Variants in USP50 observed in about 807,000 individuals in gnomAD.
The protein encoded by USP50 is ubiquitin specific peptidase 50, also known as ubiquitin carboxyl-terminal hydrolase 50.
A neutral mutation model predicts 39.2 loss-of-function variants in USP50; 37 were observed. The ratio of observed to expected loss-of-function variants is 0.94; its 90% confidence interval spans 0.73 to 1.24. The LOEUF is 1.24. USP50 is among the 50% of genes most tolerant of loss of function. The pLI, the probability that USP50 is intolerant of heterozygous loss-of-function variation, is 0.00. For synonymous variants in USP50, 139 were observed against 144.5 expected (o/e 0.96, Z 0.27); for missense variants, 374 against 398.2 (o/e 0.94, Z 0.52).
chr15:50,544,317 G>T (rs895348749), intron 2 of USP50, among the ~76,000 whole-genome samples: 1 of 151,580 alleles, frequency 6.6e-6, no homozygotes, highest in African/African-American at 2.4e-5. Flanking sequence ...AGCCAAGATC[G>T]CACCACTGCA....
intron 6 of USP50, chr15:50,505,838 T>G (rs1427977341): frequency 6.6e-6 from 1 of 152,280 alleles, no homozygotes; most frequent in Non-Finnish European, 1.5e-5. Flanking sequence ...ATGCCTGTAG[T>G]CCCAGCTACT....
chr15:50,525,715 G>GTATATA (rs1566907782), intron 6 of USP50, among the ~76,000 whole-genome samples: 1 of 80,848 alleles, frequency 1.2e-5, no homozygotes, highest in Non-Finnish European at 2.7e-5. Flanking sequence ...ATGTATATAT[G>GTATATA]TATATGTATA....
chr15:50,496,352 G>A (rs1015804240), downstream of USP50, among the ~76,000 whole-genome samples: 1 of 151,958 alleles, frequency 6.6e-6, no homozygotes, highest in Non-Finnish European at 1.5e-5. Flanking sequence ...GTGGTGGTGG[G>A]CACCTGTAGT....
At chr15:50,526,434 T>C (rs2141368311) in intron 6 of USP50, among the ~76,000 whole-genome samples, 1 of 152,202 alleles carries the variant, frequency 6.6e-6, no homozygotes, top group East Asian at 1.9e-4. Context: ...CCTGAAGTAT[T>C]TCATTGTTTT....
At chr15:50,525,738 T>C (rs2052892421) in intron 6 of USP50, among the ~76,000 whole-genome samples, 1 of 146,866 alleles carries the variant, frequency 6.8e-6, no homozygotes, top group Non-Finnish European at 1.5e-5. Flanking sequence ...TGTATATGTA[T>C]ATAATCTCTC....
At chr15:50,508,826 C>T (rs2052697665) in intron 6 of USP50, 3 of 141,748 alleles carry the variant, frequency 2.1e-5, no homozygotes, top group Non-Finnish European at 4.6e-5. Context: ...GGCAAAACCC[C>T]GTCTCTATAA....
chr15:50,537,524 A>AG (rs1213564844), intron 5 of USP50, among the ~76,000 whole-genome samples: 6 of 152,072 alleles, frequency 3.9e-5, no homozygotes, highest in Non-Finnish European at 7.4e-5. Flanking sequence ...GGACTAAAAA[A>AG]AAAAAAAGAC....
intron 6 of USP50, chr15:50,504,824 CAAA>C (rs60405800): frequency 6.6e-6 from 1 of 150,732 alleles, no homozygotes; most frequent in Non-Finnish European, 1.5e-5. Flanking sequence ...TTAAAAAAAA[CAAA>C]AAAAATTAGC....
chr15:50,527,040 T>G (rs1371756276), intron 6 of USP50, among the ~76,000 whole-genome samples: 1 of 152,208 alleles, frequency 6.6e-6, no homozygotes. Flanking sequence ...CTTCAAGGGC[T>G]CATGCAAAGG....
chr15:50,542,769 G>A (rs762628484), intron 3 of USP50, among the ~76,000 whole-genome samples: 1 of 152,038 alleles, frequency 6.6e-6, no homozygotes, highest in Non-Finnish European at 1.5e-5. Flanking sequence ...GATTACAGAC[G>A]CGAACCACAG....
At chr15:50,529,766 G>T (rs2052925607) in intron 6 of USP50, 31 bp downstream of exon 6, 10 of 1,594,004 alleles carry the variant, frequency 6.3e-6, no homozygotes, top group Non-Finnish European at 8.5e-6. Context: ...CTTTAAAATT[G>T]GATTACTTTT....
In USP50 at chr15:50,532,809, C is replaced by G. The variant is rs565711130; in HGVS notation, c.804-2880G>C. 7.9e-5 allele frequency among the ~76,000 whole-genome samples: 12 copies of G among 152,192 alleles called. No homozygotes were observed. The South Asian group carries it at 2.5e-3, about 32-fold the overall frequency. ...AAATCCTAAGAATGAACGAATGAAC[C>G]AAAAGAAATGCTAGAGGTATCCTTG... On this transcript the variant is annotated intron_variant, in intron 5 of 6. Coordinates refer to ENST00000532404, the MANE Select transcript of USP50 (RefSeq NM_203494.5).
At chr15:50,542,677 C>T (rs765367398) in intron 3 of USP50, among the ~76,000 whole-genome samples, 5 of 151,728 alleles carry the variant, frequency 3.3e-5, no homozygotes, top group Admixed American at 6.6e-5. Context: ...TTAGTAGAGA[C>T]GGGGTTTCAC....
Position 50,541,144 on chromosome 15 carries a change from T to C in USP50, c.565A>G (p.Ile189Val). 6.2e-7 allele frequency: 1 copy of C among 1,613,914 alleles called. No homozygotes were observed. The highest frequency in any genetic ancestry group is 8.5e-7 in the Non-Finnish European group (1 of 1,179,868). ...CATTTCTCACACTTTAAACATACGA[T>C]GCTATAATTGAGCTGCTCTTCAAAC... ...QLFEEQLNYS[I>V]VCLKCEKCTY... Residue 189 changes from isoleucine (I) to valine (V), a missense_variant, in exon 4 of 7, where the codon ATC becomes GTC. Coordinates refer to ENST00000532404, the MANE Select transcript of USP50 (RefSeq NM_203494.5).
intron 6 of USP50, chr15:50,508,354 T>G (rs573438020): frequency 6.6e-6 from 1 of 152,212 alleles, no homozygotes; most frequent in Non-Finnish European, 1.5e-5. Context: ...TTAAGATGAA[T>G]TGATCATTTA....
intron 3 of USP50, 30 bp from the exon 4 acceptor site, chr15:50,541,294 TA>T: frequency 6.4e-7 from 1 of 1,572,578 alleles, no homozygotes; most frequent in Non-Finnish European, 8.7e-7. Flanking sequence ...TCACCCAAAT[TA>T]ATTATTGGTT....
At chr15:50,495,896 G>A, downstream of USP50, 1 of 1,613,786 alleles carries the variant, frequency 6.2e-7, no homozygotes, top group Non-Finnish European at 8.5e-7. Flanking sequence ...TCATCTCGAT[G>A]ACTTTAAAGC....
At chr15:50,544,465 G>T in intron 2 of USP50, 122 bp downstream of exon 2, 2 of 869,054 alleles carry the variant, frequency 2.3e-6, no homozygotes, top group Non-Finnish European at 3.4e-6. Context: ...TATCTGGGAA[G>T]CTACAACCTC....
chr15:50,495,487 G>GC (rs1555392695), intron 1 of USP50, among the ~76,000 whole-genome samples: 12 of 123,696 alleles, frequency 9.7e-5, no homozygotes, highest in Non-Finnish European at 1.5e-4. Flanking sequence ...AGAGATTGGA[G>GC]GGGGGGGTCT....
Sources: gnomAD v4.1 joint callset for allele counts (sites outside exome capture counted in the v4.1 genomes callset) on GRCh38, gnomAD v4.1.1 for gene constraint, MANE v1.5 for transcripts, NCBI Gene and HGNC (gene_info 2026-07-23, HGNC 2026-07-21) for gene names.